The following SLC7A11 variants were observed in gnomAD, a reference collection of about 807,000 sequenced individuals.
SLC7A11 encodes solute carrier family 7 member 11.
In SLC7A11, 35 loss-of-function variants were observed where a neutral mutation model predicts 54.5. The ratio of observed to expected loss-of-function variants is 0.64; its 90% confidence interval spans 0.49 to 0.85. The LOEUF (loss-of-function observed/expected upper bound fraction) is 0.85, where lower values mean the gene tolerates loss of function less well. Ranked by LOEUF, SLC7A11 falls within the 40% of genes least tolerant of loss-of-function variation. The pLI is 0.00. For missense variants in SLC7A11, 583 were observed against 618.1 expected, an observed-to-expected ratio of 0.94 and a Z score of 0.60; for synonymous variants, 230 against 225.2, an observed-to-expected ratio of 1.02 and a Z score of -0.19.
intron 6 of SLC7A11, among the ~76,000 whole-genome samples, chr4:138,213,485 T>C (rs1737601092): frequency 6.6e-6 from 1 of 151,956 alleles, no homozygotes; most frequent in African/African-American, 2.4e-5. Context: ...TTTGTACTTG[T>C]TCTTTTTCCT....
At chr4:138,230,308 A>G (rs551342232) in intron 3 of SLC7A11, among the ~76,000 whole-genome samples, 23 of 152,062 alleles carry the variant, frequency 1.5e-4, no homozygotes, top group Admixed American at 1.3e-3. Context: ...CTTGGGTACC[A>G]GGTTTAGTAC....
intron 6 of SLC7A11, among the ~76,000 whole-genome samples, chr4:138,185,650 T>C (rs567067563): frequency 6.6e-6 from 1 of 152,296 alleles, no homozygotes; most frequent in Admixed American, 6.5e-5. Flanking sequence ...TAGGTGATTC[T>C]GAGGCTGCTG....
chr4:138,206,351 TTGTTCTCAAA>T (rs1737405098), intron 6 of SLC7A11, among the ~76,000 whole-genome samples: 1 of 149,796 alleles, frequency 6.7e-6, no homozygotes, highest in South Asian at 2.1e-4. Flanking sequence ...CAAGAGTTTA[TTGTTCTCAAA>T]ATATAAAACT....
chr4:138,197,605 C>G (rs1200067425), intron 6 of SLC7A11, among the ~76,000 whole-genome samples: 1 of 151,814 alleles, frequency 6.6e-6, no homozygotes, highest in Non-Finnish European at 1.5e-5. Context: ...ATAACACTAC[C>G]AAGATAATTT....
chr4:138,214,170 C>T (rs1737624091), intron 6 of SLC7A11, among the ~76,000 whole-genome samples: 1 of 151,860 alleles, frequency 6.6e-6, no homozygotes, highest in East Asian at 1.9e-4. Context: ...ACATTACTCA[C>T]TTTAATTCGA....
intron 6 of SLC7A11, among the ~76,000 whole-genome samples, chr4:138,199,582 A>T (rs1358461640): frequency 1.3e-5 from 2 of 152,154 alleles, no homozygotes; most frequent in Non-Finnish European, 2.9e-5. Flanking sequence ...AAGTGCGCAT[A>T]GATCAGAGGC....
At position 138,193,910 on chromosome 4, in the gene SLC7A11, C is replaced by T. The variant is rs1737070388; in HGVS notation, c.792-8666G>A. 3.3e-5 allele frequency among the ~76,000 whole-genome samples: 5 copies of T among 152,236 alleles called. No homozygotes were observed. The South Asian group carries it at 1.0e-3, about 32-fold the overall frequency. The stretch of plus-strand genomic sequence containing the variant: ...CCCTAAAATTGAAAATAATTTTTCA[C>T]TGCAATAAATCTCTATTCATACTCT... On this transcript the variant is annotated intron_variant, in intron 6 of 11. Coordinates refer to ENST00000280612, the MANE Select transcript of SLC7A11 (RefSeq NM_014331.4).
At chr4:138,188,459 G>T (rs1215659994) in intron 6 of SLC7A11, among the ~76,000 whole-genome samples, 2 of 152,178 alleles carry the variant, frequency 1.3e-5, no homozygotes, top group Non-Finnish European at 2.9e-5. Flanking sequence ...TTGACAGAGG[G>T]AAGGGGGTGG....
At chr4:138,188,294 C>T (rs184500073) in intron 6 of SLC7A11, among the ~76,000 whole-genome samples, 4 of 152,242 alleles carry the variant, frequency 2.6e-5, no homozygotes, top group Non-Finnish European at 5.9e-5. Context: ...AACTCCTGAC[C>T]TCTAGTGATC....
chr4:138,166,248 TTTG>T lies in SLC7A11; in HGVS notation c.*5705_*5707del, dbSNP rs1736252523. 1 of 152,096 alleles carries T rather than the reference TTTG, an allele frequency of 6.6e-6. No individual in the cohort carries two copies. Among genetic ancestry groups the T allele is most frequent in the East Asian group, 1.9e-4 (1 of 5,188 alleles). 9.4% of individuals were successfully genotyped at this position (152,096 alleles called of 1,614,324 possible). A position where few individuals can be genotyped will look rare whatever the true frequency, so the allele number is the denominator to read the frequency against. ...CTAATAAAGTTAGTTAGTAGGAAAA[TTTG>T]ATGTCTAAATTTTATAATACACATT... On this transcript the variant is annotated 3_prime_UTR_variant, in exon 12 of 12. Coordinates refer to ENST00000280612, the MANE Select transcript of SLC7A11 (RefSeq NM_014331.4).
At chr4:138,205,866 C>A (rs1737393592) in intron 6 of SLC7A11, among the ~76,000 whole-genome samples, 1 of 152,036 alleles carries the variant, frequency 6.6e-6, no homozygotes, top group Non-Finnish European at 1.5e-5. Context: ...AGGGTTCCAA[C>A]TCTGGAATCT....
chr4:138,232,279 C>A lies in SLC7A11; in HGVS notation c.508G>T (p.Ala170Ser). Residue 170 changes from alanine to serine, a missense_variant, in exon 3 of 12, where the codon GCT (alanine) becomes TCT (serine). By Grantham distance (99) the Ala-to-Ser change is moderately conservative. Transcript: ENST00000280612. ...CTATAATACTCACTTATGCCCACAGCTGTAATGAGCTTGATCGCAAGTTCA... is the reference window on the plus strand; with the variant it reads ...CTATAATACTCACTTATGCCCACAGATGTAATGAGCTTGATCGCAAGTTCA... ...IPELAIKLIT[A>S]VGITVVMVLN... is the part of the protein sequence containing the mutation. 1 of 1,601,486 alleles carries A rather than the reference C, an allele frequency of 6.2e-7. No individual in the cohort carries two copies. Among genetic ancestry groups the A allele is most frequent in the Non-Finnish European group, 8.6e-7 (1 of 1,168,518 alleles).
chr4:138,192,700 G>A (rs1270346997), intron 6 of SLC7A11, among the ~76,000 whole-genome samples: 2 of 151,938 alleles, frequency 1.3e-5, no homozygotes, highest in African/African-American at 2.4e-5. Flanking sequence ...TTAAAATGAT[G>A]TCCTAAATTA....
chr4:138,228,857 A>T (rs1486811168), intron 3 of SLC7A11, among the ~76,000 whole-genome samples: 1 of 152,010 alleles, frequency 6.6e-6, no homozygotes, highest in African/African-American at 2.4e-5. Flanking sequence ...TTCCATCTTA[A>T]CTTCCACGCA....
At chr4:138,199,287 A>G (rs1737213334) in intron 6 of SLC7A11, among the ~76,000 whole-genome samples, 1 of 151,370 alleles carries the variant, frequency 6.6e-6, no homozygotes, top group South Asian at 2.1e-4. Flanking sequence ...TAATTTCATC[A>G]TATTTTTTTG....
chr4:138,239,546 C>G (rs547619589), intron 1 of SLC7A11, among the ~76,000 whole-genome samples: 2 of 152,232 alleles, frequency 1.3e-5, no homozygotes, highest in Non-Finnish European at 2.9e-5. Context: ...CTTCTGGTAA[C>G]TTAAGTGACA....
At chr4:138,241,708 C>T in intron 1 of SLC7A11, 85 bp downstream of exon 1, 1 of 1,127,176 alleles carries the variant, frequency 8.9e-7, no homozygotes, top group Non-Finnish European at 1.3e-6. Flanking sequence ...TCCATTCACT[C>T]CTCAAAAACT....
intron 2 of SLC7A11, among the ~76,000 whole-genome samples, chr4:138,234,012 G>A (rs1364769297): frequency 6.6e-6 from 1 of 152,164 alleles, no homozygotes; most frequent in East Asian, 1.9e-4. Flanking sequence ...TCATACTGAA[G>A]CCCTTGGCCT....
rs72933886 is a variant in SLC7A11 at position 138,213,556 on chromosome 4, T to C, written c.791+1029A>G. ...TCCTCTCTCTCTCTATCTCTCTCTC[T>C]CTCTCCTCCCATACCCCTCTTCTCT... is the stretch of plus-strand genomic sequence containing the variant. On this transcript the variant is annotated intron_variant, in intron 6 of 11. Transcript: ENST00000280612. Among the ~76,000 whole-genome samples the C allele has an allele frequency of 8.3e-3, 1,268 of 151,896 alleles. 19 individuals are homozygous for C. Among genetic ancestry groups the C allele is most frequent in the African/African-American group, 0.028 (1,149 of 41,446 alleles).
Sources: gnomAD v4.1 joint callset for allele counts (sites outside exome capture counted in the v4.1 genomes callset) on GRCh38, gnomAD v4.1.1 for gene constraint, MANE v1.5 for transcripts, NCBI Gene and HGNC (gene_info 2026-07-23, HGNC 2026-07-21) for gene names.